The following PCCA variants were observed in gnomAD, a reference collection of about 807,000 sequenced individuals.
PCCA encodes propionyl-CoA carboxylase alpha chain, mitochondrial.
Under a neutral mutation model 101.3 loss-of-function variants are expected in PCCA, and 74 were observed. The observed-to-expected ratio is 0.73, with a 90% CI of 0.61 to 0.89. The LOEUF (loss-of-function observed/expected upper bound fraction) is 0.89. Ranked by LOEUF, PCCA falls within the 40% of genes least tolerant of loss-of-function variation. The pLI, the probability that PCCA is intolerant of heterozygous loss-of-function variation, is 0.00. For missense variants in PCCA, 891 were observed against 907.0 expected (o/e 0.98, Z 0.23); for synonymous variants, 294 against 313.6 (o/e 0.94, Z 0.66).
chr13:100,117,066 A>G (rs1278916730), intron 4 of PCCA, among the ~76,000 whole-genome samples: 1 of 152,124 alleles, frequency 6.6e-6, no homozygotes, highest in Non-Finnish European at 1.5e-5. Flanking sequence ...CCCTCCAGAA[A>G]TGTCTAGGTC....
At chr13:100,507,646 A>C (rs1462051451) in intron 21 of PCCA, among the ~76,000 whole-genome samples, 1 of 152,030 alleles carries the variant, frequency 6.6e-6, no homozygotes, top group Non-Finnish European at 1.5e-5. Flanking sequence ...TCTAGTGTTT[A>C]ATTTTCTTTC....
chr13:100,351,611 A>T (rs918176111), intron 18 of PCCA, among the ~76,000 whole-genome samples: 4 of 152,174 alleles, frequency 2.6e-5, no homozygotes, highest in African/African-American at 4.8e-5. Context: ...AAGTAACGAG[A>T]TGTACTAGAA....
At chr13:100,312,510 T>C (rs1259863481) in intron 16 of PCCA, among the ~76,000 whole-genome samples, 3 of 152,214 alleles carry the variant, frequency 2.0e-5, no homozygotes, top group African/African-American at 7.2e-5. Flanking sequence ...TATAGTATTT[T>C]GGGAAAATAA....
intron 19 of PCCA, among the ~76,000 whole-genome samples, chr13:100,401,428 G>A (rs2077355123): frequency 1.3e-5 from 2 of 152,062 alleles, no homozygotes; most frequent in Non-Finnish European, 2.9e-5. Context: ...ATTTTTAGTA[G>A]AGATGGGGTT....
At chr13:100,440,156 TTATATATATATATATATATATA>T (rs398024171) in intron 20 of PCCA, among the ~76,000 whole-genome samples, 2,742 of 92,810 alleles carry the variant, frequency 0.03, 122 homozygotes, top group African/African-American at 0.068. Flanking sequence ...GAGTATTAAA[TTATATATATATATATATATATA>T]TATATATATA....
At chr13:100,313,496 T>C (rs1383067170) in intron 16 of PCCA, among the ~76,000 whole-genome samples, 1 of 152,132 alleles carries the variant, frequency 6.6e-6, no homozygotes, top group African/African-American at 2.4e-5. Flanking sequence ...GATGAAATTA[T>C]AGGTGCTTGA....
intron 4 of PCCA, chr13:100,150,561 T>TAA (rs762833424): frequency 1.6e-6 from 2 of 1,266,022 alleles, no homozygotes; most frequent in African/African-American, 1.5e-5. Flanking sequence ...TGGTGGAACT[T>TAA]ACGGCCGTTT....
rs1404301421 is a variant in PCCA at position 100,209,225 on chromosome 13, A to G, written c.469-107A>G. 5.2e-6 allele frequency: 5 copies of G among 953,662 alleles called. No homozygotes were observed. In the East Asian group the frequency reaches 9.7e-5, roughly 19 times the overall value. 59.1% of individuals were successfully genotyped at this position (953,662 alleles called of 1,614,324 possible). A position where few individuals can be genotyped will look rare whatever the true frequency, so the allele number is the denominator to read the frequency against. ...CTCAAAAACTGTTGTTTCTGCAATA[A>G]AAATAATTAGAAAATACACATATGG... On this transcript the variant is annotated intron_variant, in intron 6 of 23. Coordinates refer to ENST00000376285, the MANE Select transcript of PCCA (RefSeq NM_000282.4).
intron 14 of PCCA, among the ~76,000 whole-genome samples, chr13:100,306,533 T>C (rs1217831864): frequency 6.6e-6 from 1 of 152,186 alleles, no homozygotes; most frequent in Non-Finnish European, 1.5e-5. Flanking sequence ...ATGTACTAAC[T>C]CACTCGTTGG....
rs182220591 is a variant in PCCA at position 100,518,932 on chromosome 13, C to T, written c.2040+3365C>T. On this transcript the variant is annotated intron_variant, in intron 22 of 23. Coordinates refer to ENST00000376285, the MANE Select transcript of PCCA (RefSeq NM_000282.4). ...AGAAATATATATATTTTCAGAATAA[C>T]GGTAGAATACATTTTTCCACATGTC... 1.5e-3 allele frequency among the ~76,000 whole-genome samples: 229 copies of T among 152,268 alleles called. 2 individuals are homozygous for T. The highest frequency in any genetic ancestry group is 3.4e-3 in the Middle Eastern group (1 of 294).
intron 19 of PCCA, among the ~76,000 whole-genome samples, chr13:100,387,786 C>T (rs1595707989): frequency 6.6e-6 from 1 of 152,192 alleles, no homozygotes; most frequent in Admixed American, 6.5e-5. Flanking sequence ...CCCGTGTACT[C>T]TGGAAAATTG....
intron 12 of PCCA, among the ~76,000 whole-genome samples, chr13:100,279,226 G>C (rs2063897525): frequency 6.6e-6 from 1 of 152,094 alleles, no homozygotes; most frequent in South Asian, 2.1e-4. Context: ...ATCATACTTT[G>C]AGACATTTGT....
At position 100,328,881 on chromosome 13, in the gene PCCA, A is replaced by G. The variant is rs544868710; in HGVS notation, c.1430-1680A>G. Among the ~76,000 whole-genome samples the G allele has an allele frequency of 1.9e-3, 282 of 150,446 alleles. 1 individual carries two copies. Among genetic ancestry groups the G allele is most frequent in the African/African-American group, 6.6e-3 (270 of 40,920 alleles). On this transcript the variant is annotated intron_variant, in intron 16 of 23. Coordinates refer to ENST00000376285, the MANE Select transcript of PCCA (RefSeq NM_000282.4). ...GCTAATTTTTGTATTTTTAGTAGAG[A>G]TGGGGTTTCACTGTGTTGGCCAGGC...
chr13:100,160,160 C>A (rs144365774), intron 6 of PCCA, among the ~76,000 whole-genome samples: 1 of 152,042 alleles, frequency 6.6e-6, no homozygotes, highest in African/African-American at 2.4e-5. Context: ...GCTGAGTTTA[C>A]GCGAAGTGGG....
chr13:100,248,253 C>T lies in PCCA; in HGVS notation c.638-9342C>T, dbSNP rs191724348. Among the ~76,000 whole-genome samples the T allele has an allele frequency of 9.2e-3, 1,386 of 151,204 alleles. 14 individuals are homozygous for T. Among genetic ancestry groups the T allele is most frequent in the Non-Finnish European group, 0.015 (1,045 of 67,674 alleles). ...CTACTTTTTGGGGGTTTTGTTTGTTCCATTCTTTGGATTCTGTTTTCTTTC... is the reference window on the plus strand; with the variant it reads ...CTACTTTTTGGGGGTTTTGTTTGTTTCATTCTTTGGATTCTGTTTTCTTTC... On this transcript the variant is annotated intron_variant, in intron 8 of 23. Coordinates refer to ENST00000376285, the MANE Select transcript of PCCA (RefSeq NM_000282.4).
At chr13:100,197,318 C>T (rs769123062) in intron 6 of PCCA, among the ~76,000 whole-genome samples, 2 of 152,190 alleles carry the variant, frequency 1.3e-5, no homozygotes, top group Non-Finnish European at 2.9e-5. Context: ...AGCAGTCCTC[C>T]TGCCCTGGCC....
At chr13:100,491,607 AAAT>A (rs2084914164) in intron 21 of PCCA, 2 of 1,274,250 alleles carry the variant, frequency 1.6e-6, no homozygotes, top group Non-Finnish European at 2.1e-6. Context: ...CTCGGTTGTG[AAAT>A]AATGGCCAAA....
chr13:100,091,219 A>G (rs2152202069), intron 1 of PCCA, among the ~76,000 whole-genome samples: 1 of 152,266 alleles, frequency 6.6e-6, no homozygotes, highest in African/African-American at 2.4e-5. Context: ...GGTGGGAGGG[A>G]TGACACTGAC....
intron 16 of PCCA, among the ~76,000 whole-genome samples, chr13:100,321,944 T>C (rs926857379): frequency 6.6e-6 from 1 of 152,152 alleles, no homozygotes; most frequent in Non-Finnish European, 1.5e-5. Context: ...GTTAAGCTGT[T>C]ATCATTGGCT....
Sources: allele counts gnomAD v4.1 joint callset (sites outside exome capture counted in the v4.1 genomes callset), GRCh38; gene constraint gnomAD v4.1.1; transcripts MANE v1.5; gene names NCBI Gene and HGNC (gene_info 2026-07-23, HGNC 2026-07-21).